Variants in KCTD16 observed in about 807,000 individuals in gnomAD.
The protein encoded by KCTD16 is BTB/POZ domain-containing protein KCTD16.
A neutral mutation model predicts 33.2 loss-of-function variants in KCTD16; 13 were observed. The observed-to-expected ratio is 0.39, with a 90% CI of 0.25 to 0.62. The LOEUF (loss-of-function observed/expected upper bound fraction) is 0.62. Among genes scored for constraint, KCTD16 ranks in the 20% least tolerant of loss-of-function variants. The pLI is 0.50. For missense variants in KCTD16, 441 were observed against 525.1 expected (o/e 0.84, Z 1.57); for synonymous variants, 197 against 195.3 (o/e 1.01, Z -0.07).
At chr5:144,285,423 TC>T (rs1196198557) in intron 3 of KCTD16, among the ~76,000 whole-genome samples, 1 of 152,200 alleles carries the variant, frequency 6.6e-6, no homozygotes, top group Non-Finnish European at 1.5e-5. Context: ...TTTCATTTCT[TC>T]TCCAGCCCTT....
intron 2 of KCTD16, among the ~76,000 whole-genome samples, chr5:144,194,133 C>T (rs554378877): frequency 6.6e-6 from 1 of 151,986 alleles, no homozygotes; most frequent in Admixed American, 6.5e-5. Context: ...AATTAGTCAA[C>T]AAGGGGGAAT....
At chr5:144,453,589 T>G (rs1383226116) in intron 3 of KCTD16, among the ~76,000 whole-genome samples, 3 of 152,132 alleles carry the variant, frequency 2.0e-5, no homozygotes, top group Non-Finnish European at 2.9e-5. Context: ...TTTATTAATT[T>G]GGCAAATAGA....
intron 3 of KCTD16, among the ~76,000 whole-genome samples, chr5:144,450,590 T>C (rs867818648): frequency 3.9e-5 from 6 of 152,056 alleles, no homozygotes; most frequent in African/African-American, 1.2e-4. Context: ...ATGTGGCATA[T>C]ACATACAATG....
chr5:144,232,315 C>G (rs1754128737), intron 3 of KCTD16, among the ~76,000 whole-genome samples: 1 of 152,174 alleles, frequency 6.6e-6, no homozygotes, highest in African/African-American at 2.4e-5. Flanking sequence ...TAATGATGCT[C>G]AAATAACAAA....
chr5:144,464,925 G>C (rs1447554759), intron 3 of KCTD16, among the ~76,000 whole-genome samples: 1 of 152,058 alleles, frequency 6.6e-6, no homozygotes, highest in Non-Finnish European at 1.5e-5. Context: ...AAAAATATAT[G>C]CATTTTAAAA....
intron 3 of KCTD16, among the ~76,000 whole-genome samples, chr5:144,239,335 G>A (rs1012255272): frequency 6.6e-5 from 10 of 152,070 alleles, no homozygotes; most frequent in African/African-American, 2.4e-4. Flanking sequence ...TGAGAGAATA[G>A]ATTTCAGCTA....
intron 3 of KCTD16, among the ~76,000 whole-genome samples, chr5:144,390,758 T>C (rs1752431699): frequency 6.6e-6 from 1 of 152,096 alleles, no homozygotes; most frequent in African/African-American, 2.4e-5. Flanking sequence ...CTCCCACTTA[T>C]GAGTGAGAAC....
Position 144,194,183 on chromosome 5 carries a change from T to G in KCTD16, c.-326-12206T>G, listed in dbSNP as rs184399787. On this transcript the variant is annotated intron_variant, in intron 2 of 3. Transcript: ENST00000512467. ...AAGAGAACATTAAAAATGTGCAGAC[T>G]TTCACTCAGATATCCTTGTATATAA... 2.1e-3 allele frequency among the ~76,000 whole-genome samples: 318 copies of G among 152,098 alleles called. 3 individuals carry two copies. Among genetic ancestry groups the G allele is most frequent in the African/African-American group, 7.5e-3 (310 of 41,502 alleles).
chr5:144,432,855 C>T (rs1247010897), intron 3 of KCTD16, among the ~76,000 whole-genome samples: 1 of 151,952 alleles, frequency 6.6e-6, no homozygotes, highest in African/African-American at 2.4e-5. Flanking sequence ...TGTATGCATA[C>T]ACACACACAA....
At chr5:144,456,335 A>G (rs1043311244) in intron 3 of KCTD16, among the ~76,000 whole-genome samples, 1 of 152,194 alleles carries the variant, frequency 6.6e-6, no homozygotes, top group African/African-American at 2.4e-5. Flanking sequence ...TAAAGAAAAT[A>G]CATACATGCT....
intron 3 of KCTD16, among the ~76,000 whole-genome samples, chr5:144,398,254 A>C (rs1471470370): frequency 2.0e-5 from 3 of 152,200 alleles, no homozygotes; most frequent in African/African-American, 7.2e-5. Context: ...AAAAATATTC[A>C]GTAACATGTT....
chr5:144,454,717 T>C (rs886784050), intron 3 of KCTD16, among the ~76,000 whole-genome samples: 4 of 152,110 alleles, frequency 2.6e-5, no homozygotes, highest in Non-Finnish European at 4.4e-5. Context: ...CCTATGGGTA[T>C]AGAGTACTTT....
chr5:144,413,587 T>A (rs1580943192), intron 3 of KCTD16, among the ~76,000 whole-genome samples: 1 of 152,162 alleles, frequency 6.6e-6, no homozygotes, highest in African/African-American at 2.4e-5. Flanking sequence ...CCCCCAACAA[T>A]GCTACAAGAC....
At chr5:144,425,132 A>G (rs1753295512) in intron 3 of KCTD16, among the ~76,000 whole-genome samples, 1 of 152,162 alleles carries the variant, frequency 6.6e-6, no homozygotes, top group Non-Finnish European at 1.5e-5. Flanking sequence ...TACTCCAGAA[A>G]TACAATAGTA....
At chr5:144,183,411 A>C (rs186921732) in intron 2 of KCTD16, among the ~76,000 whole-genome samples, 301 of 152,334 alleles carry the variant, frequency 2.0e-3, no homozygotes, top group Admixed American at 5.2e-3. Flanking sequence ...AATGATGCAT[A>C]AAGGATGACT....
intron 3 of KCTD16, among the ~76,000 whole-genome samples, chr5:144,392,388 A>G (rs771500288): frequency 1.6e-4 from 25 of 152,228 alleles, no homozygotes; most frequent in Non-Finnish European, 3.1e-4. Context: ...CTCATTTAAG[A>G]TGCTCAATCT....
intron 3 of KCTD16, among the ~76,000 whole-genome samples, chr5:144,218,406 G>A (rs1216122059): frequency 3.3e-5 from 5 of 152,118 alleles, no homozygotes; most frequent in African/African-American, 1.2e-4. Context: ...GGTGGATGGA[G>A]TAATAAAAGT....
At chr5:144,241,876 C>A (rs1754413843) in intron 3 of KCTD16, among the ~76,000 whole-genome samples, 1 of 152,120 alleles carries the variant, frequency 6.6e-6, no homozygotes, top group Non-Finnish European at 1.5e-5. Context: ...TGAAAAGAAT[C>A]TCATTTCAAT....
intron 3 of KCTD16, among the ~76,000 whole-genome samples, chr5:144,357,754 T>C (rs1751603895): frequency 6.6e-6 from 1 of 152,156 alleles, no homozygotes; most frequent in Non-Finnish European, 1.5e-5. Context: ...GCTTTAACTT[T>C]TCAAGTATGC....
Sources: gnomAD v4.1 joint callset for allele counts (sites outside exome capture counted in the v4.1 genomes callset) on GRCh38, gnomAD v4.1.1 for gene constraint, MANE v1.5 for transcripts, NCBI Gene and HGNC (gene_info 2026-07-23, HGNC 2026-07-21) for gene names.